Variants in LIMK2 observed in about 807,000 individuals in gnomAD.
LIMK2 encodes the protein LIM domain kinase 2.
In LIMK2, 35 loss-of-function variants were observed where a neutral mutation model predicts 75.7. The ratio of observed to expected loss-of-function variants is 0.46; its 90% CI spans 0.35 to 0.61. The LOEUF (loss-of-function observed/expected upper bound fraction) is 0.61. LIMK2 is among the 20% of genes least tolerant of loss of function. LIMK2 has a pLI of 0.00. For synonymous variants in LIMK2, 301 were observed against 319.2 expected (o/e 0.94, Z 0.61); for missense variants, 623 against 831.0 (o/e 0.75, Z 3.08).
chr22:31,259,737 C>A, intron 4 of LIMK2, 152 bp from the exon 5 acceptor site: 2 of 631,308 alleles, frequency 3.2e-6, no homozygotes, highest in Non-Finnish European at 5.1e-6. Flanking sequence ...AGAACCCAGG[C>A]TCCTCATTCT....
At chr22:31,236,692 T>C (rs1244948253) in intron 2 of LIMK2, among the ~76,000 whole-genome samples, 1 of 149,660 alleles carries the variant, frequency 6.7e-6, no homozygotes, top group Non-Finnish European at 1.5e-5. Context: ...GGCAGGTGGA[T>C]CACTTGAGGT....
chr22:31,219,039 A>C lies in LIMK2; in HGVS notation c.16+6615A>C, dbSNP rs73881353. 5.6e-3 allele frequency among the ~76,000 whole-genome samples: 848 copies of C among 152,332 alleles called. 7 individuals are homozygous for C. Among genetic ancestry groups the C allele is most frequent in the African/African-American group, 0.02 (820 of 41,574 alleles). The stretch of plus-strand genomic sequence containing the variant: ...TTAAGGTGAACATTGTGGGGACTGC[A>C]TTGGCTCTGAGCTGGGATACCAGGC... On this transcript the variant is annotated intron_variant, in intron 1 of 15. Transcript: ENST00000331728.
At position 31,237,043 on chromosome 22, in the gene LIMK2, C is replaced by T. The variant is rs1279451338; in HGVS notation, c.116+11224C>T. ...TTGGGAGGCCGAGGGGGGCGGATCA[C>T]AAGGTCAGGAGATCGAGACCATCCT... On this transcript the variant is annotated intron_variant, in intron 2 of 15. Coordinates refer to ENST00000331728, the MANE Select transcript of LIMK2 (RefSeq NM_005569.4). Among the ~76,000 whole-genome samples, 3 of 150,282 alleles carry T rather than the reference C, an allele frequency of 2.0e-5. No homozygotes were observed. In the East Asian group the frequency reaches 5.9e-4, roughly 29 times the overall value.
intron 9 of LIMK2, among the ~76,000 whole-genome samples, chr22:31,267,288 G>A (rs1374141408): frequency 6.6e-6 from 1 of 152,216 alleles, no homozygotes; most frequent in Non-Finnish European, 1.5e-5. Flanking sequence ...TACAAGGGAT[G>A]CAGTAACAAA....
chr22:31,257,829 G>C (rs1052085174), intron 2 of LIMK2, among the ~76,000 whole-genome samples: 1 of 152,122 alleles, frequency 6.6e-6, no homozygotes, highest in Non-Finnish European at 1.5e-5. Context: ...TGTTGGTGAT[G>C]GGTCAGTTTT....
rs375274427 is a variant in LIMK2, at chr22:31,262,654, C to T, written c.717C>T (p.Pro239=). ...QTLQLLIEHD[P]VSQRLDQLRL... ...TTCAGCTGTTGATTGAACATGACCC[C>T]GTCTCCCAACGCCTGGACCAGCTGC... The change falls in exon 7 of 16, where the codon CCC becomes CCT. Residue 239 remains proline, a synonymous_variant. Coordinates refer to ENST00000331728, the MANE Select transcript of LIMK2 (RefSeq NM_005569.4). The surrounding 1 kb of genome is among the most constrained non-coding windows in gnomAD (Gnocchi z 5.0). 1.7e-5 allele frequency: 27 copies of T among 1,614,190 alleles called. No homozygotes were observed. The highest frequency in any genetic ancestry group is 1.6e-4 in the Middle Eastern group (1 of 6,062).
In LIMK2 at chr22:31,262,916, G is replaced by A; in HGVS notation, c.854+125G>A. ...TGGCCAGGGACAGACTATGAGGATT[G>A]TGCTGACCCAGCTGCCCCTGTGGGG... is the stretch of plus-strand genomic sequence containing the variant. On this transcript the variant is annotated intron_variant, in intron 7 of 15. Transcript: ENST00000331728. This position sits in a 1 kb window ranked among gnomAD's most constrained non-coding sequence, Gnocchi z 5.0. 2 of 884,952 alleles carry A rather than the reference G, an allele frequency of 2.3e-6. No individual in the cohort carries two copies. The highest frequency in any genetic ancestry group is 3.3e-6 in the Non-Finnish European group (2 of 600,510). 54.8% of individuals were successfully genotyped at this position (884,952 alleles called of 1,614,324 possible). A position where few individuals can be genotyped will look rare whatever the true frequency, so the allele number is the denominator to read the frequency against.
intron 2 of LIMK2, among the ~76,000 whole-genome samples, chr22:31,232,051 C>T (rs757782699): frequency 2.0e-5 from 3 of 151,696 alleles, no homozygotes; most frequent in South Asian, 2.1e-4. Flanking sequence ...TGAACTCCAG[C>T]GATCCTCCTG....
chr22:31,267,774 A>G lies in LIMK2; in HGVS notation c.1129-2A>G, dbSNP rs778787074. 6.3e-7 allele frequency: 1 copy of G among 1,587,144 alleles called. No homozygotes were observed. Among genetic ancestry groups the G allele is most frequent in the Non-Finnish European group, 8.5e-7 (1 of 1,170,070 alleles). ...GCTTTCCTTGGCTTCCCCCACCCCC[A>G]GGTGAAAGTGATGCGCAGCCTGGAC... On this transcript the variant is annotated splice_acceptor_variant, in intron 9 of 15. Transcript: ENST00000331728. LOFTEE classifies it high-confidence loss of function.
chr22:31,278,138 A>G (rs948129279), intron 15 of LIMK2, among the ~76,000 whole-genome samples, 159 bp from the exon 16 acceptor site: 17 of 152,160 alleles, frequency 1.1e-4, no homozygotes, highest in African/African-American at 4.1e-4. Context: ...TATATGAGGT[A>G]CCGGTAACAT....
intron 10 of LIMK2, 22 bp downstream of exon 10, chr22:31,267,929 C>T: frequency 2.4e-5 from 38 of 1,577,528 alleles, no homozygotes; most frequent in Non-Finnish European, 3.3e-5. Flanking sequence ...ACCCCATAGT[C>T]TCCAGGAGCC....
At position 31,267,083 on chromosome 22, in the gene LIMK2, A is replaced by T; in HGVS notation, c.1128+13A>T. 6.5e-7 allele frequency: 1 copy of T among 1,535,470 alleles called. No homozygotes were observed. The highest frequency in any genetic ancestry group is 9.0e-7 in the Non-Finnish European group (1 of 1,114,172). ...TTTTCTGACTGAGGTAAGAAGATGGAGGGGGCCCGGGAGGTTGGTGTCACC... is the reference window on the plus strand; with the variant it reads ...TTTTCTGACTGAGGTAAGAAGATGGTGGGGGCCCGGGAGGTTGGTGTCACC... On this transcript the variant is annotated intron_variant, in intron 9 of 15. Coordinates refer to ENST00000331728, the MANE Select transcript of LIMK2 (RefSeq NM_005569.4).
rs1347473095 is a variant in LIMK2, at chr22:31,276,872, A to G, written c.1773-1425A>G. 4 of 1,612,386 alleles carry G rather than the reference A, an allele frequency of 2.5e-6. No individual in the cohort carries two copies. In the East Asian group the frequency reaches 6.7e-5, roughly 27 times the overall value. ...AGGCGCCAAGGGAAGGTCACCATCA[A>G]GTATGACCCCAAGGAGCTACGGAAG... On this transcript the variant is annotated intron_variant, in intron 15 of 15. Transcript: ENST00000331728.
At chr22:31,254,716 C>CG (rs1371111997) in intron 2 of LIMK2, among the ~76,000 whole-genome samples, 2 of 152,054 alleles carry the variant, frequency 1.3e-5, no homozygotes, top group African/African-American at 2.4e-5. Context: ...CGCAGCACTT[C>CG]GGGAGGCCAA....
At position 31,259,144 on chromosome 22, in the gene LIMK2, C is replaced by T. The variant is rs768534178; in HGVS notation, c.276C>T (p.His92=). The change falls in exon 4 of 16, where the codon CAC becomes CAT. Residue 92 remains histidine, a synonymous_variant. Coordinates refer to ENST00000331728, the MANE Select transcript of LIMK2 (RefSeq NM_005569.4). ...PFMVAGEFKY[H]PECFACMSCK... ...AGGTGGCTGGGGAGTTCAAGTACCA[C>T]CCAGAGTGCTTTGCCTGTATGAGCT... The T allele has an allele frequency of 1.2e-6, 2 of 1,613,352 alleles. No homozygotes were observed. Among genetic ancestry groups the T allele is most frequent in the Non-Finnish European group, 1.7e-6 (2 of 1,179,366 alleles).
chr22:31,266,159 TCTTCTGCCCCCAGTCC>T (rs1568999765), intron 8 of LIMK2, 27 bp downstream of exon 8: 26 of 1,610,020 alleles, frequency 1.6e-5, no homozygotes, highest in Non-Finnish European at 2.2e-5. Flanking sequence ...ATTGCTTTGC[TCTTCTGCCCCCAGTCC>T]CTCTGTCACT....
At position 31,259,225 on chromosome 22, in the gene LIMK2, C is replaced by T. The variant is rs781672840; in HGVS notation, c.357C>T (p.Leu119=). 3.8e-6 allele frequency: 6 copies of T among 1,593,642 alleles called. No homozygotes were observed. The Admixed American group carries it at 6.7e-5, about 18-fold the overall frequency. ...ATGCACTGGTGCAGCATGCCACCCT[C>T]TACTGGTAAGATAGTGGTCCTTTGT... ...DAYALVQHAT[L]YCGKCHNEVV... is the part of the protein sequence containing the mutation. The change falls in exon 4 of 16, where the codon CTC becomes CTT. Residue 119 remains leucine (L), a synonymous_variant. Transcript: ENST00000331728.
intron 15 of LIMK2, 51 bp from the exon 16 acceptor site, chr22:31,278,246 A>T (rs2049051712): frequency 6.5e-7 from 1 of 1,543,314 alleles, no homozygotes. Context: ...CACCCACCCC[A>T]TGGCCCTGCT....
intron 11 of LIMK2, 66 bp from the exon 12 acceptor site, chr22:31,271,070 C>T: frequency 6.9e-7 from 1 of 1,458,244 alleles, no homozygotes; most frequent in Non-Finnish European, 9.6e-7. Flanking sequence ...CTATGGCGCC[C>T]AATTCCAGAT....
Sources: gnomAD v4.1 joint callset for allele counts (sites outside exome capture counted in the v4.1 genomes callset) on GRCh38, gnomAD v4.1.1 for gene constraint, Gnocchi (gnomAD v3.1) non-coding constraint, MANE v1.5 for transcripts, NCBI Gene and HGNC (gene_info 2026-07-23, HGNC 2026-07-21) for gene names.